CES1: variants seen among roughly 807,000 people sequenced by gnomAD.
CES1 encodes liver carboxylesterase 1.
Under a neutral mutation model 53.0 loss-of-function variants are expected in CES1, and 50 were observed. The ratio of observed to expected loss-of-function variants is 0.94; its 90% CI spans 0.75 to 1.19. The LOEUF (loss-of-function observed/expected upper bound fraction) is 1.19, where lower values mean the gene tolerates loss of function less well. Ranked by LOEUF, CES1 falls within the 50% of genes most tolerant of loss-of-function variation. The probability of loss-of-function intolerance (pLI) is 0.00; values close to 1 mark genes in which losing one functional copy is unlikely to be tolerated. For missense variants in CES1, 534 were observed against 538.0 expected, an observed-to-expected ratio of 0.99 and a Z score of 0.07; for synonymous variants, 202 against 210.1, an observed-to-expected ratio of 0.96 and a Z score of 0.33.
In CES1 at chr16:55,828,889, C is replaced by T; in HGVS notation, c.138G>A (p.Gln46=). The T allele has an allele frequency of 1.2e-6, 2 of 1,614,096 alleles. No homozygotes were observed. Among genetic ancestry groups the T allele is most frequent in the South Asian group, 1.1e-5 (1 of 91,046 alleles). ...GGATTCCCAGGAAAATGGCCACAGGCTGTGCAAATCCTTCTAAGCTGACGA... is the reference window on the plus strand; with the variant it reads ...GGATTCCCAGGAAAATGGCCACAGGTTGTGCAAATCCTTCTAAGCTGACGA... The part of the protein sequence containing the change: ...GKFVSLEGFA[Q]PVAIFLGIPF... Residue 46 remains glutamine (Q), a synonymous_variant, in exon 2 of 14, where the codon CAG becomes CAA. Transcript: ENST00000360526.
chr16:55,821,224 C>T, intron 5 of CES1, 144 bp downstream of exon 5: 1 of 1,106,588 alleles, frequency 9.0e-7, no homozygotes, highest in Non-Finnish European at 1.3e-6. Context: ...GCTTTCTACC[C>T]CCTGATGCTG....
chr16:55,814,139 G>A (rs180738514), intron 8 of CES1, among the ~76,000 whole-genome samples: 1 of 152,312 alleles, frequency 6.6e-6, no homozygotes, highest in East Asian at 1.9e-4. Context: ...AGGAGGTACC[G>A]AACCCTGGTC....
At position 55,826,131 on chromosome 16, in the gene CES1, C is replaced by T. The variant is rs775920800; in HGVS notation, c.405+20G>A. ...GGTACTGGCACTGACACGCCTTGAC[C>T]AGGGGGTCCCACAACTTACCGGCAG... On this transcript the variant is annotated intron_variant, in intron 3 of 13. Coordinates refer to ENST00000360526, the MANE Select transcript of CES1 (RefSeq NM_001025195.2). 5 of 1,613,936 alleles carry T rather than the reference C, an allele frequency of 3.1e-6. No homozygotes were observed. The South Asian group carries it at 5.5e-5, about 18-fold the overall frequency.
At chr16:55,821,301 G>A in intron 5 of CES1, 67 bp downstream of exon 5, 1 of 1,588,736 alleles carries the variant, frequency 6.3e-7, no homozygotes, top group Non-Finnish European at 8.6e-7. Context: ...TGGATTGACA[G>A]GTGTCCAAGA....
chr16:55,808,451 G>C (rs1705715988), intron 11 of CES1, among the ~76,000 whole-genome samples: 1 of 152,280 alleles, frequency 6.6e-6, no homozygotes, highest in Non-Finnish European at 1.5e-5. Flanking sequence ...GCTTCTTGTT[G>C]GTGGGGAAGG....
chr16:55,813,137 A>G (rs2031777797), intron 8 of CES1, 94 bp from the exon 9 acceptor site: 40 of 1,548,606 alleles, frequency 2.6e-5, no homozygotes, highest in Non-Finnish European at 3.5e-5. Context: ...AGTACCATAG[A>G]CCGGCATGGC....
At chr16:55,824,626 G>A (rs1463065965) in intron 3 of CES1, among the ~76,000 whole-genome samples, 7 of 152,208 alleles carry the variant, frequency 4.6e-5, no homozygotes, top group African/African-American at 7.2e-5. Flanking sequence ...TGCCTCCAGA[G>A]TCCACATGTT....
intron 8 of CES1, among the ~76,000 whole-genome samples, chr16:55,814,972 C>T (rs137938851): frequency 6.6e-6 from 1 of 152,342 alleles, no homozygotes; most frequent in East Asian, 1.9e-4. Context: ...AGAGGAGCAG[C>T]CCCTCTGGAA....
chr16:55,820,159 A>G, intron 6 of CES1: 1 of 574,664 alleles, frequency 1.7e-6, no homozygotes, highest in Non-Finnish European at 3.2e-6. Context: ...CCCTTGGCAA[A>G]TCCCTTCCAA....
At position 55,828,844 on chromosome 16, in the gene CES1, A is replaced by G; in HGVS notation, c.183T>C (p.Leu61=). ...FLGIPFAKPP[L]GPLRFTPPQP... ...GCGGTGGAGTAAACCTCAGGGGTCC[A>G]AGAGGCGGCTTGGCAAAAGGGATTC... The change falls in exon 2 of 14, where the codon CTT becomes CTC. Residue 61 remains leucine, a synonymous_variant. Coordinates refer to ENST00000360526, the MANE Select transcript of CES1 (RefSeq NM_001025195.2). 2 of 1,614,300 alleles carry G rather than the reference A, an allele frequency of 1.2e-6. No homozygotes were observed. Among genetic ancestry groups the G allele is most frequent in the African/African-American group, 1.3e-5 (1 of 75,080 alleles).
chr16:55,830,692 C>T (rs867479032), intron 1 of CES1, among the ~76,000 whole-genome samples: 1 of 149,176 alleles, frequency 6.7e-6, no homozygotes, highest in Non-Finnish European at 1.5e-5. Flanking sequence ...AATCCTGGCT[C>T]CTCCAGAGAG....
intron 1 of CES1, among the ~76,000 whole-genome samples, chr16:55,831,791 G>A (rs2032688430): frequency 6.6e-6 from 1 of 151,780 alleles, no homozygotes. Context: ...TGGGCTGTCA[G>A]GATTCAGGAC....
In CES1 at chr16:55,810,965, T is replaced by A. The variant is rs762507008; in HGVS notation, c.1132A>T (p.Thr378Ser). Residue 378 changes from threonine (T) to serine (S), a missense_variant, in exon 10 of 14, where the codon ACA becomes TCA. Thr to Ser is a moderately conservative substitution (Grantham distance 58). Coordinates refer to ENST00000360526, the MANE Select transcript of CES1 (RefSeq NM_001025195.2). ...PLSEGQLDQK[T>S]AMSLLWKSYP... ...GACTTCCACAGGAGTGACATGGCTG[T>A]CTTCTGGTCCAGTTGCCCTTCGGAG... is the stretch of plus-strand genomic sequence containing the variant. 2.1e-5 allele frequency: 34 copies of A among 1,613,676 alleles called. No homozygotes were observed. The Admixed American group carries it at 5.7e-4, about 27-fold the overall frequency.
chr16:55,824,049 G>A (rs1265601643), intron 3 of CES1, among the ~76,000 whole-genome samples: 7 of 152,254 alleles, frequency 4.6e-5, no homozygotes, highest in South Asian at 2.1e-4. Flanking sequence ...TGCACTCAGC[G>A]TACCCATGGG....
In CES1 at chr16:55,820,131, T is replaced by G. The variant is rs1324838095; in HGVS notation, c.801+241A>C. ...GGGCCATGAGCTGGAGTCCCAGCTC[T>G]GCCCTGATCACCTGCTGCCCTTGGC... is the stretch of plus-strand genomic sequence containing the variant. On this transcript the variant is annotated intron_variant, in intron 6 of 13. Coordinates refer to ENST00000360526, the MANE Select transcript of CES1 (RefSeq NM_001025195.2). 30 of 582,708 alleles carry G rather than the reference T, an allele frequency of 5.1e-5. No individual in the cohort carries two copies. In the East Asian group the frequency reaches 7.4e-4, roughly 14 times the overall value. 36.1% of individuals were successfully genotyped at this position (582,708 alleles called of 1,614,324 possible).
chr16:55,827,460 T>C (rs1327171641), intron 2 of CES1, among the ~76,000 whole-genome samples: 3 of 152,072 alleles, frequency 2.0e-5, no homozygotes. Flanking sequence ...GCCAAGAGTC[T>C]GCCAAATGGA....
chr16:55,832,351 G>A (rs1282581967), intron 1 of CES1, among the ~76,000 whole-genome samples: 6 of 152,218 alleles, frequency 3.9e-5, no homozygotes, highest in Non-Finnish European at 5.9e-5. Flanking sequence ...AAGAGGTCCT[G>A]ATATAGTGGC....
rs1468076589 is a variant in CES1 at position 55,820,470 on chromosome 16, G to T, written c.703C>A (p.Pro235Thr). ...CGGTGGAAGAGGTTCTTGGCCAATG[G>T]AGACAAAACCTGACAGCAGAGTGGA... The part of the protein sequence containing the change: ...GESVSVLVLS[P>T]LAKNLFHRAI... The change falls in exon 6 of 14, where the codon CCA (proline) becomes ACA (threonine). Residue 235 changes from proline (P) to threonine (T), a missense_variant. By Grantham distance (38) the Pro-to-Thr change is conservative (BLOSUM62 -1). Coordinates refer to ENST00000360526, the MANE Select transcript of CES1 (RefSeq NM_001025195.2). 6.3e-7 allele frequency: 1 copy of T among 1,578,584 alleles called. No individual in the cohort carries two copies. The highest frequency in any genetic ancestry group is 8.6e-7 in the Non-Finnish European group (1 of 1,157,422).
At chr16:55,830,819 A>AAGGAAGGAAGGC (rs1454708070) in intron 1 of CES1, among the ~76,000 whole-genome samples, 1,722 of 126,760 alleles carry the variant, frequency 0.014, 11 homozygotes, top group African/African-American at 0.022. Context: ...GGAAGGAAGG[A>AAGGAAGGAAGGC]AGGCAGGCAG....
Sources: gnomAD v4.1 joint callset for allele counts (sites outside exome capture counted in the v4.1 genomes callset) on GRCh38, gnomAD v4.1.1 for gene constraint, MANE v1.5 for transcripts, NCBI Gene and HGNC (gene_info 2026-07-23, HGNC 2026-07-21) for gene names.